UGT1A3: variants seen among roughly 807,000 people sequenced by gnomAD.
The protein encoded by UGT1A3 is UDP glucuronosyltransferase family 1 member A3.
A neutral mutation model predicts 41.0 loss-of-function variants in UGT1A3; 31 were observed. That is an observed-to-expected ratio of 0.76 (90% CI 0.57 to 1.02). The LOEUF (loss-of-function observed/expected upper bound fraction) is 1.02. UGT1A3 is among the 50% of genes least tolerant of loss of function. The pLI is 0.00. For missense variants in UGT1A3, 737 were observed against 671.0 expected (o/e 1.10, Z -1.09); for synonymous variants, 262 against 257.6 (o/e 1.02, Z -0.17).
In UGT1A3 at chr2:233,729,082, G is replaced by T. The variant is rs2077787378; in HGVS notation, c.-45G>T. Reference sequence around the variant, plus strand: ...AAGATGAAGAAAGCAAATGTAGCAGGCACAGCGTGGGGTGGACAGTCAGCT... The same window carrying T: ...AAGATGAAGAAAGCAAATGTAGCAGTCACAGCGTGGGGTGGACAGTCAGCT... On this transcript the variant is annotated 5_prime_UTR_variant, in exon 1 of 5. Coordinates refer to ENST00000482026, the MANE Select transcript of UGT1A3 (RefSeq NM_019093.4). The T allele has an allele frequency of 6.2e-7, 1 of 1,612,130 alleles. No homozygotes were observed. Among genetic ancestry groups the T allele is most frequent in the Admixed American group, 1.7e-5 (1 of 59,976 alleles).
chr2:233,743,059 A>T (rs1424842143), intron 1 of UGT1A3: 1 of 324,044 alleles, frequency 3.1e-6, no homozygotes, highest in Non-Finnish European at 6.0e-6. Context: ...CCCAACGATA[A>T]GAACAGGTGT....
rs377755645 is a variant in UGT1A3, at chr2:233,743,742, C to T, written c.867+13749C>T. The T allele has an allele frequency of 2.5e-5, 34 of 1,367,276 alleles. No homozygotes were observed. In the South Asian group the frequency reaches 3.5e-4, roughly 14 times the overall value. The allele number at this position is 1,367,276 out of a possible 1,614,324, so 84.7% of individuals were successfully genotyped here. On this transcript the variant is annotated intron_variant, in intron 1 of 4. Coordinates refer to ENST00000482026, the MANE Select transcript of UGT1A3 (RefSeq NM_019093.4). ...CGGTCATAGATATCGCGTTTCTTGG[C>T]GTCCGACAACACCTCGTAGGCCTCG...
At chr2:233,740,949 T>G (rs1205876096) in intron 1 of UGT1A3, 9 of 151,554 alleles carry the variant, frequency 5.9e-5, no homozygotes, top group Non-Finnish European at 1.0e-4. Context: ...ATTAGCTAGG[T>G]GTGGTAGCAT....
chr2:233,761,087 C>T, intron 1 of UGT1A3: 1 of 1,614,136 alleles, frequency 6.2e-7, no homozygotes. Context: ...TACCCTAGGC[C>T]CATCATGCCC....
intron 1 of UGT1A3, chr2:233,760,668 T>C: frequency 6.2e-7 from 1 of 1,614,252 alleles, no homozygotes; most frequent in Non-Finnish European, 8.5e-7. Context: ...TGTCTGGCTG[T>C]TCCCACTTAC....
chr2:233,747,333 C>T, intron 1 of UGT1A3: 1 of 1,603,778 alleles, frequency 6.2e-7, no homozygotes, highest in South Asian at 1.1e-5. Flanking sequence ...ATGGCAGCCA[C>T]TGGCTCGCAT....
intron 1 of UGT1A3, among the ~76,000 whole-genome samples, chr2:233,736,928 C>T (rs1427688264): frequency 1.3e-5 from 2 of 152,158 alleles, no homozygotes; most frequent in African/African-American, 4.8e-5. Context: ...CAGAGGCGCA[C>T]CCACCTATAT....
Position 233,772,946 on chromosome 2 carries a change from G to A in UGT1A3, c.*387G>A. On this transcript the variant is annotated 3_prime_UTR_variant, in exon 5 of 5. Transcript: ENST00000482026. ...GTTTTAATCTTATCTTTTGGCTTCT[G>A]CAGATGGTTGCAATTGATCCTTAAC... The A allele has an allele frequency of 3.1e-6, 1 of 325,346 alleles. No homozygotes were observed. Among genetic ancestry groups the A allele is most frequent in the Non-Finnish European group, 5.8e-6 (1 of 173,426 alleles). The allele number at this position is 325,346 out of a possible 1,614,324, so 20.2% of individuals were successfully genotyped here.
chr2:233,729,990 T>G lies in UGT1A3; in HGVS notation c.864T>G (p.Ser288=). The change falls in exon 1 of 5, where the codon TCT becomes TCG. Residue 288 remains serine (S), a synonymous_variant. Coordinates refer to ENST00000482026, the MANE Select transcript of UGT1A3 (RefSeq NM_019093.4). ...ACTGTGCCAACAGGAAGCCACTATCTCAGGTCTGTATTGGTGCCTTCATCC... is the reference window on the plus strand; with the variant it reads ...ACTGTGCCAACAGGAAGCCACTATCGCAGGTCTGTATTGGTGCCTTCATCC... ...GINCANRKPL[S]QEFEAYINAS... 6.2e-7 allele frequency: 1 copy of G among 1,614,036 alleles called. No homozygotes were observed. The highest frequency in any genetic ancestry group is 2.2e-5 in the East Asian group (1 of 44,888).
chr2:233,745,803 A>G (rs11695484), intron 1 of UGT1A3, among the ~76,000 whole-genome samples: 45,405 of 150,528 alleles, frequency 0.3, 7,175 homozygotes, highest in South Asian at 0.39. Flanking sequence ...GGTCTATCCC[A>G]GAGTTTTGAG....
At position 233,768,551 on chromosome 2, in the gene UGT1A3, A is replaced by G. The variant is rs1699641302; in HGVS notation, c.1307+112A>G. The G allele has an allele frequency of 4.1e-6, 6 of 1,478,370 alleles. No individual in the cohort carries two copies. The East Asian group carries it at 1.5e-4, about 37-fold the overall frequency. 91.6% of individuals were successfully genotyped at this position (1,478,370 alleles called of 1,614,324 possible). A position where few individuals can be genotyped will look rare whatever the true frequency, so the allele number is the denominator to read the frequency against. The stretch of plus-strand genomic sequence containing the variant: ...ATAGCGTTGTTTCAAATATAAAAAC[A>G]AATACATAAAAATCTGGATTTTTAT... On this transcript the variant is annotated intron_variant, in intron 4 of 4. Transcript: ENST00000482026.
Position 233,768,444 on chromosome 2 carries a change from G to T in UGT1A3, c.1307+5G>T. 3.7e-6 allele frequency: 6 copies of T among 1,612,940 alleles called. No homozygotes were observed. The highest frequency in any genetic ancestry group is 5.1e-6 in the Non-Finnish European group (6 of 1,179,422). Reference sequence around the variant, plus strand: ...AGCAGTCATCAATGACAAAAGGTAAGAAAGAAGATACAGAAGAATACTTTG... The same window carrying T: ...AGCAGTCATCAATGACAAAAGGTAATAAAGAAGATACAGAAGAATACTTTG... On this transcript the variant is annotated splice_donor_5th_base_variant and intron_variant, in intron 4 of 4. Coordinates refer to ENST00000482026, the MANE Select transcript of UGT1A3 (RefSeq NM_019093.4).
rs1183097052 is a variant in UGT1A3, at chr2:233,768,306, A to G, written c.1174A>G (p.Met392Val). Residue 392 changes from methionine to valine, a missense_variant, in exon 4 of 5, where the codon ATG (methionine) becomes GTG (valine). Met to Val is a conservative substitution (Grantham distance 21, BLOSUM62 1). Coordinates refer to ENST00000482026, the MANE Select transcript of UGT1A3 (RefSeq NM_019093.4). ...ATGCAATGGCGTTCCCATGGTGATG[A>G]TGCCCTTGTTTGGTGATCAGATGGA... ...SICNGVPMVM[M>V]PLFGDQMDNA... 6.2e-7 allele frequency: 1 copy of G among 1,614,086 alleles called. No homozygotes were observed. The highest frequency in any genetic ancestry group is 1.7e-5 in the Admixed American group (1 of 60,000).
chr2:233,760,912 C>A (rs72551343), intron 1 of UGT1A3: 1 of 1,614,188 alleles, frequency 6.2e-7, no homozygotes, highest in South Asian at 1.1e-5. Context: ...CTTCCTGCAG[C>A]GGGTGAAGAA....
chr2:233,758,756 G>A (rs1321245048), intron 1 of UGT1A3, among the ~76,000 whole-genome samples: 1 of 152,198 alleles, frequency 6.6e-6, no homozygotes, highest in Non-Finnish European at 1.5e-5. Context: ...GGCCAGTGAT[G>A]TGTATGGTTC....
intron 1 of UGT1A3, chr2:233,760,342 G>C (rs2125982896): frequency 6.2e-7 from 1 of 1,614,102 alleles, no homozygotes; most frequent in East Asian, 2.2e-5. Flanking sequence ...GCTGCTGTGT[G>C]TGCTGGGCCC....
At chr2:233,738,656 G>A (rs1275233800) in intron 1 of UGT1A3, among the ~76,000 whole-genome samples, 1 of 152,108 alleles carries the variant, frequency 6.6e-6, no homozygotes, top group Non-Finnish European at 1.5e-5. Context: ...TTGGAACTAC[G>A]AACTTGAGAG....
chr2:233,731,986 G>T (rs184170345), intron 1 of UGT1A3, among the ~76,000 whole-genome samples: 1 of 152,194 alleles, frequency 6.6e-6, no homozygotes, highest in Non-Finnish European at 1.5e-5. Context: ...TCTAACTGGC[G>T]TGAGATGGTA....
chr2:233,763,551 G>A (rs946650773), intron 1 of UGT1A3, among the ~76,000 whole-genome samples: 3 of 152,122 alleles, frequency 2.0e-5, no homozygotes, highest in African/African-American at 7.2e-5. Context: ...CTACTGGTTG[G>A]TCAAGTTACT....
Sources: gnomAD v4.1 joint callset for allele counts (sites outside exome capture counted in the v4.1 genomes callset) on GRCh38, gnomAD v4.1.1 for gene constraint, MANE v1.5 for transcripts, NCBI Gene and HGNC (gene_info 2026-07-23, HGNC 2026-07-21) for gene names.